Variants in C1orf146 observed in about 807,000 individuals in gnomAD.
The protein encoded by C1orf146 is protein SPO16 homolog.
In C1orf146, 22 loss-of-function variants were observed where a neutral mutation model predicts 23.0. That is an observed-to-expected ratio of 0.96 (90% confidence interval 0.68 to 1.36). C1orf146 has a LOEUF of 1.36. C1orf146 is among the 40% of genes most tolerant of loss of function. The probability of loss-of-function intolerance (pLI) is 0.00; values close to 1 mark genes in which losing one functional copy is unlikely to be tolerated. For synonymous variants in C1orf146, 59 were observed against 65.3 expected (o/e 0.90, Z 0.47); for missense variants, 199 against 206.8 (o/e 0.96, Z 0.23).
intron 2 of C1orf146, among the ~76,000 whole-genome samples, chr1:92,235,924 G>T (rs1302983535): frequency 1.3e-5 from 2 of 151,956 alleles, no homozygotes; most frequent in Non-Finnish European, 2.9e-5. Flanking sequence ...CAGAGACTAG[G>T]ATTGCAACCC....
At chr1:92,223,864 G>A (rs1411786676) in intron 1 of C1orf146, among the ~76,000 whole-genome samples, 2 of 151,288 alleles carry the variant, frequency 1.3e-5, no homozygotes, top group African/African-American at 4.9e-5. Context: ...AAATATATTC[G>A]GGGTACAAGT....
intron 1 of C1orf146, among the ~76,000 whole-genome samples, chr1:92,227,678 C>G (rs1256298106): frequency 6.6e-6 from 1 of 152,100 alleles, no homozygotes; most frequent in East Asian, 1.9e-4. Flanking sequence ...ATATTAATCT[C>G]AGCTATGATA....
chr1:92,220,710 T>A (rs1052355960), intron 1 of C1orf146, among the ~76,000 whole-genome samples: 1 of 152,238 alleles, frequency 6.6e-6, no homozygotes, highest in Admixed American at 6.5e-5. Context: ...TCTGTATCTA[T>A]ATTAACAATG....
chr1:92,218,952 A>G (rs1314676815), intron 1 of C1orf146, among the ~76,000 whole-genome samples: 1 of 152,106 alleles, frequency 6.6e-6, no homozygotes, highest in Non-Finnish European at 1.5e-5. Flanking sequence ...TTGGGACACG[A>G]CTGACCCCAC....
At chr1:92,226,681 A>AT (rs1165245274) in intron 1 of C1orf146, among the ~76,000 whole-genome samples, 10 of 152,040 alleles carry the variant, frequency 6.6e-5, no homozygotes, top group Admixed American at 4.6e-4. Context: ...AAGTGTTTTT[A>AT]TTGTAAGCAG....
At chr1:92,237,556 G>T (rs1249993958) in intron 2 of C1orf146, among the ~76,000 whole-genome samples, 2 of 152,190 alleles carry the variant, frequency 1.3e-5, no homozygotes, top group Non-Finnish European at 2.9e-5. Flanking sequence ...AGGGGTCAGG[G>T]ATCCACTTGA....
At chr1:92,229,686 T>C (rs990526196) in intron 1 of C1orf146, among the ~76,000 whole-genome samples, 6 of 152,092 alleles carry the variant, frequency 3.9e-5, no homozygotes, top group Admixed American at 6.5e-5. Flanking sequence ...TTGACTACAT[T>C]GGAAATAATA....
intron 1 of C1orf146, among the ~76,000 whole-genome samples, chr1:92,226,727 T>A (rs1651978146): frequency 6.6e-6 from 1 of 152,228 alleles, no homozygotes; most frequent in South Asian, 2.1e-4. Flanking sequence ...GGGCAATCTT[T>A]TCTTTCAGTT....
chr1:92,234,122 C>T (rs1033587500), intron 2 of C1orf146, among the ~76,000 whole-genome samples: 4 of 152,110 alleles, frequency 2.6e-5, no homozygotes, highest in African/African-American at 9.7e-5. Flanking sequence ...TGCCTAATTG[C>T]CCTGGCCAGA....
intron 1 of C1orf146, chr1:92,229,394 G>A: frequency 1.9e-6 from 1 of 538,634 alleles, no homozygotes; most frequent in Non-Finnish European, 3.7e-6. Context: ...CGTTGCCGAT[G>A]GTGATGACCT....
chr1:92,242,309 T>C lies in C1orf146; in HGVS notation c.160+4T>C. On this transcript the variant is annotated splice_donor_region_variant and intron_variant, in intron 3 of 5. Coordinates refer to ENST00000370375, the MANE Select transcript of C1orf146 (RefSeq NM_001012425.2). ...TCAATTATATTTTCTCTTTCTGGTATGGTATATTTGCTCACTGCCTTAAGT... is the reference window on the plus strand; with the variant it reads ...TCAATTATATTTTCTCTTTCTGGTACGGTATATTTGCTCACTGCCTTAAGT... The C allele has an allele frequency of 6.6e-7, 1 of 1,506,170 alleles. No individual in the cohort carries two copies. The highest frequency in any genetic ancestry group is 9.1e-7 in the Non-Finnish European group (1 of 1,093,604). 93.3% of individuals were successfully genotyped at this position (1,506,170 alleles called of 1,614,324 possible). A position where few individuals can be genotyped will look rare whatever the true frequency, so the allele number is the denominator to read the frequency against.
intron 1 of C1orf146, chr1:92,229,498 C>A: frequency 2.2e-6 from 1 of 454,246 alleles, no homozygotes; most frequent in Non-Finnish European, 4.3e-6. Flanking sequence ...GTACCCTTGT[C>A]CCCATTCTGG....
At chr1:92,238,443 A>G (rs1652349716) in intron 2 of C1orf146, among the ~76,000 whole-genome samples, 2 of 152,210 alleles carry the variant, frequency 1.3e-5, no homozygotes, top group Non-Finnish European at 2.9e-5. Flanking sequence ...AATATTCAGC[A>G]TTTCCGAATC....
At chr1:92,229,455 G>T (rs1652056196) in intron 1 of C1orf146, 1 of 502,364 alleles carries the variant, frequency 2.0e-6, no homozygotes. Flanking sequence ...ATCAGCTGTA[G>T]CTGTTCTTTG....
intron 2 of C1orf146, among the ~76,000 whole-genome samples, chr1:92,234,847 T>C (rs1652236221): frequency 6.6e-6 from 1 of 152,220 alleles, no homozygotes; most frequent in Admixed American, 6.5e-5. Flanking sequence ...TGGGAGAGTG[T>C]ATGTGTCGAG....
chr1:92,222,995 G>A (rs1017901351), intron 1 of C1orf146, among the ~76,000 whole-genome samples: 19 of 152,092 alleles, frequency 1.2e-4, no homozygotes, highest in Non-Finnish European at 1.9e-4. Context: ...CGGGTTATGT[G>A]TATCAATAGT....
intron 2 of C1orf146, among the ~76,000 whole-genome samples, chr1:92,237,125 C>T (rs1652299751): frequency 6.6e-6 from 1 of 152,232 alleles, no homozygotes; most frequent in Middle Eastern, 3.2e-3. Context: ...CATTCTCTGT[C>T]CAGCTTTGTT....
At chr1:92,224,387 A>G (rs956267469) in intron 1 of C1orf146, among the ~76,000 whole-genome samples, 3 of 152,080 alleles carry the variant, frequency 2.0e-5, no homozygotes, top group Admixed American at 1.3e-4. Flanking sequence ...CAGTTTATCA[A>G]TTTGTTTTCT....
At chr1:92,223,610 G>A (rs529064225) in intron 1 of C1orf146, among the ~76,000 whole-genome samples, 1 of 152,264 alleles carries the variant, frequency 6.6e-6, no homozygotes, top group African/African-American at 2.4e-5. Context: ...TCAGCTCACT[G>A]CAACCTCTGC....
Sources: gnomAD v4.1 joint callset for allele counts (sites outside exome capture counted in the v4.1 genomes callset) on GRCh38, gnomAD v4.1.1 for gene constraint, MANE v1.5 for transcripts, NCBI Gene and HGNC (gene_info 2026-07-23, HGNC 2026-07-21) for gene names.